GALT: variants seen among roughly 807,000 people sequenced by gnomAD.
The protein encoded by GALT is galactose-1-phosphate uridylyltransferase, also known as UDP-glucose--hexose-1-phosphate uridylyltransferase.
A neutral mutation model predicts 55.4 loss-of-function variants in GALT; 42 were observed. The ratio of observed to expected loss-of-function variants is 0.76; its 90% CI spans 0.59 to 0.98. The LOEUF (loss-of-function observed/expected upper bound fraction) is 0.98, where lower values mean the gene tolerates loss of function less well. Among genes scored for constraint, GALT ranks in the 50% least tolerant of loss-of-function variants. The pLI is 0.00. For missense variants in GALT, 407 were observed against 495.7 expected, an observed-to-expected ratio of 0.82 and a Z score of 1.70; for synonymous variants, 154 against 181.5, an observed-to-expected ratio of 0.85 and a Z score of 1.22.
chr9:34,649,329 T>C, intron 9 of GALT, 81 bp from the exon 10 acceptor site: 1 of 1,569,766 alleles, frequency 6.4e-7, no homozygotes, highest in Admixed American at 1.7e-5. Flanking sequence ...TTCAGATACC[T>C]GGTTGGGTTT....
Position 34,648,561 on chromosome 9 carries a change from C to G in GALT, c.687+105C>G. Reference sequence around the variant, plus strand: ...CTAGAGGTGAACTAGTAGAGAGAGACTTGCTAGGAGGCCTTAGCAATAATC... The same window carrying G: ...CTAGAGGTGAACTAGTAGAGAGAGAGTTGCTAGGAGGCCTTAGCAATAATC... On this transcript the variant is annotated intron_variant, in intron 7 of 10. Transcript: ENST00000378842. The surrounding 1 kb of genome is among the most constrained non-coding windows in gnomAD (Gnocchi z 4.9). 6.4e-7 allele frequency: 1 copy of G among 1,573,672 alleles called. No individual in the cohort carries two copies. Among genetic ancestry groups the G allele is most frequent in the Admixed American group, 1.7e-5 (1 of 59,772 alleles).
chr9:34,648,559 G>C lies in GALT; in HGVS notation c.687+103G>C. Reference sequence around the variant, plus strand: ...AGCTAGAGGTGAACTAGTAGAGAGAGACTTGCTAGGAGGCCTTAGCAATAA... The same window carrying C: ...AGCTAGAGGTGAACTAGTAGAGAGACACTTGCTAGGAGGCCTTAGCAATAA... On this transcript the variant is annotated intron_variant, in intron 7 of 10. Transcript: ENST00000378842. The surrounding 1 kb of genome is among the most constrained non-coding windows in gnomAD (Gnocchi z 4.9). 3.8e-6 allele frequency: 6 copies of C among 1,575,772 alleles called. No individual in the cohort carries two copies. The highest frequency in any genetic ancestry group is 5.2e-6 in the Non-Finnish European group (6 of 1,147,604).
Position 34,647,680 on chromosome 9 carries a change from C to T in GALT, c.352C>T (p.Gln118Ter). Residue 118 changes from glutamine (Q) to a stop codon, truncating the protein, a stop_gained, in exon 4 of 11, where the codon CAA (glutamine) becomes TAA (stop). Coordinates refer to ENST00000378842, the MANE Select transcript of GALT (RefSeq NM_000155.4). LOFTEE classifies it high-confidence loss of function. This position sits in a 1 kb window ranked among gnomAD's most constrained non-coding sequence, Gnocchi z 5.6. ...SPGPSDHPLF[Q>*]AKSARGVCKV... The stretch of plus-strand genomic sequence containing the variant: ...AGGACCCAGTGATCATCCCCTTTTC[C>T]AAGCAAAGTCTGCTCGAGGAGTCTG... 1 of 1,614,146 alleles carries T rather than the reference C, an allele frequency of 6.2e-7. No homozygotes were observed. Among genetic ancestry groups the T allele is most frequent in the Non-Finnish European group, 8.5e-7 (1 of 1,180,008 alleles).
chr9:34,647,527 C>A lies in GALT; in HGVS notation c.288C>A (p.Asp96Glu). 6.2e-7 allele frequency: 1 copy of A among 1,614,168 alleles called. No individual in the cohort carries two copies. The highest frequency in any genetic ancestry group is 1.6e-4 in the Middle Eastern group (1 of 6,062). Residue 96 changes from aspartate (D) to glutamate (E), a missense_variant, in exon 3 of 11, where the codon GAC becomes GAA. By Grantham distance (45) the Asp-to-Glu change is conservative. Coordinates refer to ENST00000378842, the MANE Select transcript of GALT (RefSeq NM_000155.4). This position sits in a 1 kb window ranked among gnomAD's most constrained non-coding sequence, Gnocchi z 5.6. ...NPQYDSTFLF[D>E]NDFPALQPDA... is the part of the protein sequence containing the mutation. ...AGTACGATAGCACCTTCCTGTTTGA[C>A]AACGACTTCCCAGCTCTGCAGCCTG...
Position 34,648,512 on chromosome 9 carries a change from G to C in GALT, c.687+56G>C. 1.2e-6 allele frequency: 2 copies of C among 1,613,478 alleles called. No individual in the cohort carries two copies. Among genetic ancestry groups the C allele is most frequent in the Non-Finnish European group, 1.7e-6 (2 of 1,179,694 alleles). ...GGAGTCCCTAACTTTCTTATCCCAT[G>C]AGAGAGGTGTGTAAAGGAGAAAGCT... is the stretch of plus-strand genomic sequence containing the variant. On this transcript the variant is annotated intron_variant, in intron 7 of 10. Coordinates refer to ENST00000378842, the MANE Select transcript of GALT (RefSeq NM_000155.4). This position sits in a 1 kb window ranked among gnomAD's most constrained non-coding sequence, Gnocchi z 4.9.
rs367543256 is a variant in GALT at position 34,647,850 on chromosome 9, C to T, written c.396C>T (p.His132=). 1.9e-6 allele frequency: 3 copies of T among 1,614,236 alleles called. No homozygotes were observed. The highest frequency in any genetic ancestry group is 1.7e-5 in the Admixed American group (1 of 60,030). ...ARGVCKVMCF[H]PWSDVTLPLM... ...CACCCAGTAAGGTCATGTGCTTCCA[C>T]CCCTGGTCGGATGTAACGCTGCCAC... The change falls in exon 5 of 11, where the codon CAC becomes CAT. Residue 132 remains histidine (H), a synonymous_variant. Coordinates refer to ENST00000378842, the MANE Select transcript of GALT (RefSeq NM_000155.4). This position sits in a 1 kb window ranked among gnomAD's most constrained non-coding sequence, Gnocchi z 5.6.
At chr9:34,650,315 A>G (rs1433962482) in intron 10 of GALT, 54 bp from the exon 11 acceptor site, 6 of 1,165,630 alleles carry the variant, frequency 5.1e-6, no homozygotes, top group Non-Finnish European at 5.1e-6. Flanking sequence ...CCATGCCACC[A>G]TTCTTGGCAG....
Position 34,649,504 on chromosome 9 carries a change from G to C in GALT, c.999G>C (p.Arg333=), listed in dbSNP as rs1054951172. ...YPPLLRSATV[R]KFMVGYEMLA... ...CGCTCCTGCGCTCTGCCACTGTCCGGAAATTCATGGTTGGCTACGAAATGC... is the reference window on the plus strand; with the variant it reads ...CGCTCCTGCGCTCTGCCACTGTCCGCAAATTCATGGTTGGCTACGAAATGC... Residue 333 remains arginine, a synonymous_variant, in exon 10 of 11, where the codon CGG becomes CGC. Coordinates refer to ENST00000378842, the MANE Select transcript of GALT (RefSeq NM_000155.4). 5.6e-6 allele frequency: 9 copies of C among 1,614,052 alleles called. No individual in the cohort carries two copies. In the African/African-American group the frequency reaches 1.1e-4, roughly 19 times the overall value.
Position 34,648,036 on chromosome 9 carries a change from C to G in GALT, c.507+75C>G. 1 of 1,614,162 alleles carries G rather than the reference C, an allele frequency of 6.2e-7. No homozygotes were observed. Among genetic ancestry groups the G allele is most frequent in the East Asian group, 2.2e-5 (1 of 44,878 alleles). On this transcript the variant is annotated intron_variant, in intron 5 of 10. Transcript: ENST00000378842. The surrounding 1 kb of genome is among the most constrained non-coding windows in gnomAD (Gnocchi z 4.9). ...GCTTTGGTTCTGGGGAGTAACATTT[C>G]TGTTTCCACAGGGTGTGGTCAGGAG... is the stretch of plus-strand genomic sequence containing the variant.
chr9:34,649,691 C>A, intron 10 of GALT, 127 bp downstream of exon 10: 1 of 1,163,508 alleles, frequency 8.6e-7, no homozygotes, highest in Non-Finnish European at 1.3e-6. Flanking sequence ...CAGGAAGGGA[C>A]TGCCAAAGTT....
chr9:34,648,898 A>C lies in GALT; in HGVS notation c.820+4A>C, dbSNP rs398123186. The C allele has an allele frequency of 3.7e-6, 6 of 1,613,378 alleles. No individual in the cohort carries two copies. In the African/African-American group the frequency reaches 4.0e-5, roughly 11 times the overall value. ...CTGACCCCTGCTGAGCGTGATGGTC[A>C]GTCTCCCAAGTAGGATCCTGGGGCT... On this transcript the variant is annotated splice_donor_region_variant and intron_variant, in intron 8 of 10. Transcript: ENST00000378842. This position sits in a 1 kb window ranked among gnomAD's most constrained non-coding sequence, Gnocchi z 4.9.
intron 1 of GALT, 36 bp downstream of exon 1, chr9:34,646,822 G>T (rs780410032): frequency 1.9e-6 from 3 of 1,612,884 alleles, no homozygotes; most frequent in Middle Eastern, 1.7e-4. Flanking sequence ...CTGGGGCGCG[G>T]AGCCGAGCCC....
In GALT at chr9:34,648,498, C is replaced by G. The variant is rs1230582478; in HGVS notation, c.687+42C>G. The G allele has an allele frequency of 8.1e-6, 13 of 1,613,810 alleles. No homozygotes were observed. Among genetic ancestry groups the G allele is most frequent in the Non-Finnish European group, 1.1e-5 (13 of 1,179,986 alleles). On this transcript the variant is annotated intron_variant, in intron 7 of 10. Coordinates refer to ENST00000378842, the MANE Select transcript of GALT (RefSeq NM_000155.4). The surrounding 1 kb of genome is among the most constrained non-coding windows in gnomAD (Gnocchi z 4.9). ...CCCTGTGTCCCCAAGGAGTCCCTAA[C>G]TTTCTTATCCCATGAGAGAGGTGTG...
At chr9:34,650,123 A>C (rs1489721563) in intron 10 of GALT, 14 of 499,272 alleles carry the variant, frequency 2.8e-5, no homozygotes, top group Non-Finnish European at 3.6e-5. Context: ...CTACAAAAAA[A>C]ATTTAAAAAG....
intron 9 of GALT, 31 bp from the exon 10 acceptor site, chr9:34,649,379 C>A: frequency 6.2e-7 from 1 of 1,613,884 alleles, no homozygotes. Context: ...AAAGGGCTCT[C>A]TCTCCCCACT....
In GALT at chr9:34,650,651, T is replaced by A; in HGVS notation, c.*202T>A. 1 of 585,858 alleles carries A rather than the reference T, an allele frequency of 1.7e-6. No individual in the cohort carries two copies. Among genetic ancestry groups the A allele is most frequent in the Non-Finnish European group, 3.0e-6 (1 of 329,378 alleles). 36.3% of individuals were successfully genotyped at this position (585,858 alleles called of 1,614,324 possible). ...TAGGGTTAAAAGCTAAAGGCATAGCTCCAGCTACAACTTTTCTTTGTCTAC... is the reference window on the plus strand; with the variant it reads ...TAGGGTTAAAAGCTAAAGGCATAGCACCAGCTACAACTTTTCTTTGTCTAC... On this transcript the variant is annotated 3_prime_UTR_variant, in exon 11 of 11. Coordinates refer to ENST00000378842, the MANE Select transcript of GALT (RefSeq NM_000155.4).
rs561155270 is a variant in GALT at position 34,646,998 on chromosome 9, G to A, written c.83-91G>A. On this transcript the variant is annotated intron_variant, in intron 1 of 10. Transcript: ENST00000378842. ...TCCTGAGCGGGACAGGGCCGAGAGGGCGCTCCCGAGCTTGGGCCTGCTGGT... is the reference window on the plus strand; with the variant it reads ...TCCTGAGCGGGACAGGGCCGAGAGGACGCTCCCGAGCTTGGGCCTGCTGGT... The A allele has an allele frequency of 7.2e-5, 116 of 1,607,932 alleles. No individual in the cohort carries two copies. In the African/African-American group the frequency reaches 1.3e-3, roughly 18 times the overall value.
chr9:34,650,539 T>G lies in GALT; in HGVS notation c.*90T>G, dbSNP rs11539546. The G allele has an allele frequency of 1.7e-6, 2 of 1,190,332 alleles. No individual in the cohort carries two copies. The highest frequency in any genetic ancestry group is 2.5e-6 in the Non-Finnish European group (2 of 803,926). The allele number at this position is 1,190,332 out of a possible 1,614,324, so 73.7% of individuals were successfully genotyped here. On this transcript the variant is annotated 3_prime_UTR_variant, in exon 11 of 11. Coordinates refer to ENST00000378842, the MANE Select transcript of GALT (RefSeq NM_000155.4). ...AGGGCCTTGAATCCTGGCCTGGAATTTGGGCAGATATAGCATTAATAAAAC... is the reference window on the plus strand; with the variant it reads ...AGGGCCTTGAATCCTGGCCTGGAATGTGGGCAGATATAGCATTAATAAAAC...
In GALT at chr9:34,649,473, A is replaced by G. The variant is rs367543267; in HGVS notation, c.968A>G (p.Tyr323Cys). The G allele has an allele frequency of 6.2e-7, 1 of 1,613,818 alleles. No homozygotes were observed. The highest frequency in any genetic ancestry group is 8.5e-7 in the Non-Finnish European group (1 of 1,179,976). Residue 323 changes from tyrosine (Y) to cysteine (C), a missense_variant, in exon 10 of 11, where the codon TAC becomes TGC. Tyr to Cys is a radical substitution (Grantham distance 194). Coordinates refer to ENST00000378842, the MANE Select transcript of GALT (RefSeq NM_000155.4). ...WNHWQLHAHY[Y>C]PPLLRSATVR... ...CATTGGCAGCTGCACGCTCATTACT[A>G]CCCTCCGCTCCTGCGCTCTGCCACT...
Sources: gnomAD v4.1 joint callset for allele counts on GRCh38, gnomAD v4.1.1 for gene constraint, Gnocchi (gnomAD v3.1) non-coding constraint, MANE v1.5 for transcripts, NCBI Gene and HGNC (gene_info 2026-07-23, HGNC 2026-07-21) for gene names.